Variants in DIP2C observed in about 807,000 individuals in gnomAD.
DIP2C encodes disco-interacting protein 2 homolog C.
Under a neutral mutation model 192.4 loss-of-function variants are expected in DIP2C, and 33 were observed. That is an observed-to-expected ratio of 0.17 (90% CI 0.13 to 0.23). The LOEUF is 0.23. Among genes scored for constraint, DIP2C ranks in the 10% least tolerant of loss-of-function variants. The pLI is 1.00. For missense variants in DIP2C, 1,537 were observed against 2,110.1 expected (o/e 0.73, Z 5.32); for synonymous variants, 979 against 864.1 (o/e 1.13, Z -2.33).
At chr10:310,006 GA>G (rs748877695) in intron 32 of DIP2C, 24 bp downstream of exon 32, 2 of 1,609,608 alleles carry the variant, frequency 1.2e-6, no homozygotes, top group East Asian at 2.2e-5. Flanking sequence ...AGGAAAAAAA[GA>G]AAAAACCCAG....
chr10:295,882 A>AT lies in DIP2C; in HGVS notation c.3987-7462dup, dbSNP rs1341263398. On this transcript the variant is annotated intron_variant, in intron 32 of 36. Transcript: ENST00000280886. ...AAATTAGCTAGACGTGATGATAAGC[A>AT]TTTTTTCATGTGTTTTTTGGCTGCA... Among the ~76,000 whole-genome samples the AT allele has an allele frequency of 3.3e-5, 5 of 152,274 alleles. No homozygotes were observed. The East Asian group carries it at 7.7e-4, about 23-fold the overall frequency.
At chr10:458,777 C>T (rs550814835) in intron 3 of DIP2C, among the ~76,000 whole-genome samples, 1 of 134,346 alleles carries the variant, frequency 7.4e-6, no homozygotes, top group East Asian at 2.5e-4. Context: ...GAGTGCTCGG[C>T]ACCCCGTGAC....
intron 1 of DIP2C, among the ~76,000 whole-genome samples, chr10:624,058 C>G (rs1051933365): frequency 6.6e-6 from 1 of 152,264 alleles, no homozygotes; most frequent in Non-Finnish European, 1.5e-5. Flanking sequence ...TCTCTCTGCA[C>G]CCGGGACCCG....
At chr10:351,517 A>T (rs891269602) in intron 24 of DIP2C, among the ~76,000 whole-genome samples, 1 of 152,196 alleles carries the variant, frequency 6.6e-6, no homozygotes, top group African/African-American at 2.4e-5. Flanking sequence ...GGTCTCCTCC[A>T]TGGAGAGGAT....
intron 1 of DIP2C, among the ~76,000 whole-genome samples, chr10:614,755 C>G (rs1477412150): frequency 1.3e-5 from 2 of 152,230 alleles, no homozygotes; most frequent in Admixed American, 1.3e-4. Context: ...CCTCTGGCTA[C>G]GGGCTCCCTT....
chr10:669,074 AAACT>A (rs1857289919), intron 1 of DIP2C: 1 of 152,160 alleles, frequency 6.6e-6, no homozygotes, highest in South Asian at 2.1e-4. Flanking sequence ...CAGACACGGC[AAACT>A]GAGGAGAAAT....
intron 31 of DIP2C, among the ~76,000 whole-genome samples, chr10:321,115 A>G (rs3123253): frequency 0.99 from 150,376 of 152,366 alleles, 74,228 homozygotes; most frequent in East Asian, 1. Context: ...TGCCACTGAT[A>G]GAGCCGATTT....
At chr10:414,265 A>C (rs1352914991) in intron 7 of DIP2C, among the ~76,000 whole-genome samples, 155 bp from the exon 8 acceptor site, 1 of 152,216 alleles carries the variant, frequency 6.6e-6, no homozygotes, top group Non-Finnish European at 1.5e-5. Context: ...GGGTCTATAC[A>C]CTAGCATCAC....
chr10:544,390 T>TA (rs1848170419), intron 1 of DIP2C, among the ~76,000 whole-genome samples: 1 of 152,282 alleles, frequency 6.6e-6, no homozygotes, highest in Non-Finnish European at 1.5e-5. Context: ...AATGCTGCTA[T>TA]GAAGATTCTT....
chr10:430,681 G>A (rs1332784594), intron 4 of DIP2C, among the ~76,000 whole-genome samples: 1 of 152,064 alleles, frequency 6.6e-6, no homozygotes, highest in East Asian at 1.9e-4. Context: ...CATTTTTATT[G>A]GAGTCCAGCT....
intron 3 of DIP2C, among the ~76,000 whole-genome samples, chr10:451,857 T>G (rs959853473): frequency 3.9e-5 from 6 of 152,182 alleles, no homozygotes; most frequent in South Asian, 2.1e-4. Context: ...GAAATGCGGG[T>G]TTTTTTCCAT....
chr10:609,215 A>G (rs1030224807), intron 1 of DIP2C, among the ~76,000 whole-genome samples: 3 of 152,130 alleles, frequency 2.0e-5, no homozygotes, highest in African/African-American at 7.2e-5. Context: ...TCAACCACCA[A>G]TACCTCTGCT....
chr10:381,009 G>A (rs1962321879), intron 17 of DIP2C, among the ~76,000 whole-genome samples: 1 of 152,204 alleles, frequency 6.6e-6, no homozygotes, highest in African/African-American at 2.4e-5. Flanking sequence ...TGCAGAGAGG[G>A]ATGTGTTGGT....
At chr10:352,652 G>A (rs993266405) in intron 24 of DIP2C, among the ~76,000 whole-genome samples, 1 of 152,198 alleles carries the variant, frequency 6.6e-6, no homozygotes, top group Non-Finnish European at 1.5e-5. Flanking sequence ...TTTCTTGCCT[G>A]GAAAGGACGA....
intron 1 of DIP2C, among the ~76,000 whole-genome samples, chr10:568,799 C>CAAAAAA (rs922604069): frequency 2.0e-5 from 2 of 98,828 alleles, no homozygotes; most frequent in East Asian, 2.8e-4. Context: ...AAAAAAAAAA[C>CAAAAAA]CTTCACTTGA....
At chr10:513,953 A>G (rs1307722078) in intron 1 of DIP2C, among the ~76,000 whole-genome samples, 3 of 152,270 alleles carry the variant, frequency 2.0e-5, no homozygotes, top group Non-Finnish European at 4.4e-5. Flanking sequence ...AAAAAGCAGA[A>G]AAAACAGTGC....
chr10:305,972 A>AATATATATATATATAT lies in DIP2C; in HGVS notation c.3986+4043_3986+4058dup, dbSNP rs35830495. On this transcript the variant is annotated intron_variant, in intron 32 of 36. Transcript: ENST00000280886. Reference sequence around the variant, plus strand: ...AAAACCGCATCTTCAAATGCAGACAAATATATATATATATATATATATTAT... The same window carrying AATATATATATATATAT: ...AAAACCGCATCTTCAAATGCAGACAAATATATATATATATATATATATATATATATATATATATTAT... Among the ~76,000 whole-genome samples the AATATATATATATATAT allele has an allele frequency of 8.6e-4, 126 of 146,328 alleles. 2 individuals carry two copies. The highest frequency in any genetic ancestry group is 2.8e-3 in the African/African-American group (107 of 38,358).
At chr10:567,943 T>C (rs1158132209) in intron 1 of DIP2C, among the ~76,000 whole-genome samples, 1 of 152,192 alleles carries the variant, frequency 6.6e-6, no homozygotes, top group African/African-American at 2.4e-5. Context: ...AAGTGTTTGA[T>C]AGAGGCTGAG....
At chr10:575,822 AAAG>A (rs1454070271) in intron 1 of DIP2C, among the ~76,000 whole-genome samples, 2 of 152,234 alleles carry the variant, frequency 1.3e-5, no homozygotes, top group African/African-American at 4.8e-5. Flanking sequence ...GCAAGGAGCC[AAAG>A]AAGAGTCAAT....
Sources: gnomAD v4.1 joint callset for allele counts (sites outside exome capture counted in the v4.1 genomes callset) on GRCh38, gnomAD v4.1.1 for gene constraint, MANE v1.5 for transcripts, NCBI Gene and HGNC (gene_info 2026-07-23, HGNC 2026-07-21) for gene names.